The following ICE2 variants were observed in gnomAD, a reference collection of about 807,000 sequenced individuals.
ICE2 encodes the protein interactor of little elongation complex ELL subunit 2.
Under a neutral mutation model 105.4 loss-of-function variants are expected in ICE2, and 87 were observed. That is an observed-to-expected ratio of 0.83 (90% CI 0.69 to 0.99). The LOEUF (loss-of-function observed/expected upper bound fraction) is 0.99, where lower values mean the gene tolerates loss of function less well. Ranked by LOEUF, ICE2 falls within the 50% of genes least tolerant of loss-of-function variation. The probability of loss-of-function intolerance (pLI) is 0.00; values close to 1 mark genes in which losing one functional copy is unlikely to be tolerated. For synonymous variants in ICE2, 399 were observed against 392.0 expected (o/e 1.02, Z -0.21); for missense variants, 1,323 against 1,146.7 (o/e 1.15, Z -2.22).
At chr15:60,451,897 G>T in intron 9 of ICE2, 1 of 228,614 alleles carries the variant, frequency 4.4e-6, no homozygotes, top group Non-Finnish European at 7.2e-6. Flanking sequence ...TACCTTCTGG[G>T]AATCCTGTTT....
In ICE2 at chr15:60,455,139, T is replaced by C. The variant is rs1234099710; in HGVS notation, c.807A>G (p.Ala269=). 17 of 1,582,222 alleles carry C rather than the reference T, an allele frequency of 1.1e-5. No individual in the cohort carries two copies. The highest frequency in any genetic ancestry group is 1.4e-5 in the Non-Finnish European group (16 of 1,169,866). The change falls in exon 8 of 16, where the codon GCA becomes GCG. Residue 269 remains alanine (A), a synonymous_variant. Coordinates refer to ENST00000261520, the MANE Select transcript of ICE2 (RefSeq NM_024611.6). ...GGTGATATCTGGAAACAAGCTTCTC[T>C]GCATTTGGATCTTTACTAATATCCT... ...MHYDISKDPN[A]EKLVSRYHPQ...
rs2141048752 is a variant in ICE2, at chr15:60,445,898, C to T, written c.2295+2072G>A. The T allele has an allele frequency of 1.2e-5, 5 of 433,566 alleles. No individual in the cohort carries two copies. The South Asian group carries it at 4.0e-4, about 34-fold the overall frequency. 26.9% of individuals were successfully genotyped at this position (433,566 alleles called of 1,614,324 possible). A position where few individuals can be genotyped will look rare whatever the true frequency, so the allele number is the denominator to read the frequency against. ...GATAGCAAGAATCAAAGAAATAAAA[C>T]CTTGAAAATACAATCTATAGGACTG... On this transcript the variant is annotated intron_variant, in intron 11 of 15. Coordinates refer to ENST00000261520, the MANE Select transcript of ICE2 (RefSeq NM_024611.6).
chr15:60,446,747 T>C (rs75812601), intron 11 of ICE2, among the ~76,000 whole-genome samples: 2 of 152,228 alleles, frequency 1.3e-5, no homozygotes, highest in Admixed American at 6.5e-5. Flanking sequence ...CAATGATCAA[T>C]AGTAGAACAT....
At chr15:60,448,422 A>G (rs1384462583) in intron 10 of ICE2, among the ~76,000 whole-genome samples, 3 of 152,228 alleles carry the variant, frequency 2.0e-5, no homozygotes, top group African/African-American at 4.8e-5. Flanking sequence ...AGAAAAATAA[A>G]AAGTTTAAAA....
chr15:60,476,572 G>A (rs1222222315), intron 2 of ICE2, among the ~76,000 whole-genome samples: 3 of 152,116 alleles, frequency 2.0e-5, no homozygotes, highest in African/African-American at 7.2e-5. Context: ...ACTTATTTTT[G>A]TTTCATGCAC....
chr15:60,465,263 C>A (rs1287332712), intron 5 of ICE2, among the ~76,000 whole-genome samples: 1 of 152,054 alleles, frequency 6.6e-6, no homozygotes, highest in African/African-American at 2.4e-5. Context: ...ACAATCAAGG[C>A]TCACTGCAGC....
At chr15:60,442,302 C>T in intron 12 of ICE2, 114 bp downstream of exon 12, 2 of 968,060 alleles carry the variant, frequency 2.1e-6, no homozygotes, top group East Asian at 5.4e-5. Context: ...CTAATAAATA[C>T]ATAAATAAAA....
intron 14 of ICE2, 93 bp from the exon 15 acceptor site, chr15:60,428,780 T>C (rs1407841296): frequency 1.2e-5 from 15 of 1,300,314 alleles, no homozygotes; most frequent in Non-Finnish European, 1.5e-5. Flanking sequence ...AATTGAAAAT[T>C]ATGAGAAGAT....
Position 60,421,952 on chromosome 15 carries a change from G to A in ICE2, c.*1682C>T, listed in dbSNP as rs868640177. The A allele has an allele frequency of 4.0e-5, 6 of 151,448 alleles. No homozygotes were observed. Among genetic ancestry groups the A allele is most frequent in the African/African-American group, 1.5e-4 (6 of 41,330 alleles). 9.4% of individuals were successfully genotyped at this position (151,448 alleles called of 1,614,324 possible). A position where few individuals can be genotyped will look rare whatever the true frequency, so the allele number is the denominator to read the frequency against. On this transcript the variant is annotated 3_prime_UTR_variant, in exon 16 of 16. Transcript: ENST00000261520. ...ATTTTCAACTGTTACAATACTTGAG[G>A]AGATTTTTCGGTCTAATTTCTCAGA...
intron 2 of ICE2, among the ~76,000 whole-genome samples, chr15:60,477,353 G>T (rs2064791304): frequency 6.6e-6 from 1 of 152,096 alleles, no homozygotes. Context: ...TCTGAGTCAG[G>T]TACTATTTTA....
Position 60,436,215 on chromosome 15 carries a change from G to C in ICE2, c.2438C>G (p.Ala813Gly). 1 of 1,352,532 alleles carries C rather than the reference G, an allele frequency of 7.4e-7. No individual in the cohort carries two copies. The highest frequency in any genetic ancestry group is 1.5e-5 in the African/African-American group (1 of 66,110). 83.8% of individuals were successfully genotyped at this position (1,352,532 alleles called of 1,614,324 possible). ...CAGTAGAAAAAGTTTTGAAGTAAAT[G>C]CATCGATATGCCCTAAAATAAAATA... ...NSSFYVGHID[A>G]FTSKLFLLEE... The change falls in exon 13 of 16, where the codon GCA becomes GGA. Residue 813 changes from alanine (A) to glycine (G), a missense_variant. Transcript: ENST00000261520.
chr15:60,448,205 G>T, intron 10 of ICE2, 60 bp from the exon 11 acceptor site: 1 of 1,069,190 alleles, frequency 9.4e-7, no homozygotes, highest in Non-Finnish European at 1.3e-6. Flanking sequence ...CATAAGCAAG[G>T]ATACAACAAT....
intron 1 of ICE2, 192 bp downstream of exon 1, chr15:60,478,811 G>C (rs775676122): frequency 2.7e-6 from 1 of 375,402 alleles, no homozygotes; most frequent in South Asian, 1.9e-5. Context: ...GACGCAAAGA[G>C]AGGGGAAACA....
chr15:60,441,091 A>C (rs1293003599), intron 12 of ICE2: 1 of 152,024 alleles, frequency 6.6e-6, no homozygotes, highest in Non-Finnish European at 1.5e-5. Flanking sequence ...GTAAGTTTTT[A>C]ACTGGGCCTT....
chr15:60,456,568 T>TAA (rs1435627582), intron 6 of ICE2, 89 bp downstream of exon 6: 774 of 74,158 alleles, frequency 0.01, 34 homozygotes, highest in Middle Eastern at 0.019. Flanking sequence ...AATAAATAAA[T>TAA]ATATATATAT....
intron 3 of ICE2, 44 bp from the exon 4 acceptor site, chr15:60,468,366 A>G: frequency 6.9e-7 from 1 of 1,444,694 alleles, no homozygotes; most frequent in Non-Finnish European, 9.6e-7. Flanking sequence ...TTTTCACATG[A>G]AGATTACTAT....
At chr15:60,442,193 T>C (rs1038080648) in intron 12 of ICE2, 3 of 382,620 alleles carry the variant, frequency 7.8e-6, no homozygotes, top group Non-Finnish European at 1.4e-5. Context: ...CTTGGAAGGC[T>C]GCAGTGGGAG....
intron 3 of ICE2, among the ~76,000 whole-genome samples, chr15:60,472,859 A>G (rs964272506): frequency 2.0e-5 from 3 of 152,198 alleles, no homozygotes; most frequent in Non-Finnish European, 4.4e-5. Flanking sequence ...TGGCAAGATG[A>G]AGATTAATAC....
chr15:60,448,666 T>A (rs570998736), intron 10 of ICE2, among the ~76,000 whole-genome samples, 182 bp downstream of exon 10: 1 of 152,202 alleles, frequency 6.6e-6, no homozygotes, highest in Non-Finnish European at 1.5e-5. Context: ...CGCCTTTGTA[T>A]ACATATCTAG....
Sources: allele counts gnomAD v4.1 joint callset (sites outside exome capture counted in the v4.1 genomes callset), GRCh38; gene constraint gnomAD v4.1.1; transcripts MANE v1.5; gene names NCBI Gene and HGNC (gene_info 2026-07-23, HGNC 2026-07-21).